SUGCT: variants seen among roughly 807,000 people sequenced by gnomAD.
SUGCT encodes the protein succinyl-CoA:glutarate-CoA transferase.
A neutral mutation model predicts 55.0 loss-of-function variants in SUGCT; 41 were observed. The ratio of observed to expected loss-of-function variants is 0.74; its 90% CI spans 0.58 to 0.97. The LOEUF is 0.97. Among genes scored for constraint, SUGCT ranks in the 50% least tolerant of loss-of-function variants. The pLI, the probability that SUGCT is intolerant of heterozygous loss-of-function variation, is 0.00. For synonymous variants in SUGCT, 187 were observed against 200.4 expected, an observed-to-expected ratio of 0.93 and a Z score of 0.56; for missense variants, 568 against 547.8, an observed-to-expected ratio of 1.04 and a Z score of -0.37.
At chr7:40,162,350 CT>C (rs1784215328) in intron 1 of SUGCT, among the ~76,000 whole-genome samples, 1 of 152,112 alleles carries the variant, frequency 6.6e-6, no homozygotes, top group Non-Finnish European at 1.5e-5. Context: ...TTTCCTTTGC[CT>C]TGTAGGAGAA....
chr7:40,843,752 AG>A (rs1423940106), intron 13 of SUGCT, among the ~76,000 whole-genome samples: 1 of 152,030 alleles, frequency 6.6e-6, no homozygotes, highest in Non-Finnish European at 1.5e-5. Context: ...TGGGAAGAGG[AG>A]TGGATTATGT....
At chr7:40,187,078 A>G (rs1351892813) in intron 3 of SUGCT, among the ~76,000 whole-genome samples, 2 of 152,210 alleles carry the variant, frequency 1.3e-5, no homozygotes, top group Admixed American at 6.5e-5. Context: ...AATGTGGCAC[A>G]TATACACCAT....
intron 13 of SUGCT, among the ~76,000 whole-genome samples, chr7:40,838,855 T>G (rs1360504874): frequency 6.6e-6 from 1 of 152,136 alleles, no homozygotes; most frequent in Non-Finnish European, 1.5e-5. Flanking sequence ...CTTTTATCAT[T>G]AAGTATGAAG....
intron 1 of SUGCT, among the ~76,000 whole-genome samples, chr7:40,147,316 A>G (rs984555260): frequency 6.6e-6 from 1 of 151,716 alleles, no homozygotes; most frequent in African/African-American, 2.4e-5. Context: ...TTGAGGTTCA[A>G]CCCCCCCATC....
the SUGCT span, among the ~76,000 whole-genome samples, chr7:40,955,223 T>G: frequency 1.3e-5 from 2 of 152,316 alleles, no homozygotes; most frequent in Admixed American, 1.3e-4. Context: ...ATAAATTACT[T>G]TAAGCAGTAT....
At chr7:40,806,239 G>A (rs1791084071) in intron 13 of SUGCT, among the ~76,000 whole-genome samples, 1 of 152,078 alleles carries the variant, frequency 6.6e-6, no homozygotes, top group Non-Finnish European at 1.5e-5. Flanking sequence ...TTCCCAGGTG[G>A]TCCTGAGTAG....
intron 12 of SUGCT, among the ~76,000 whole-genome samples, chr7:40,660,255 A>T (rs1801236772): frequency 6.6e-6 from 1 of 151,812 alleles, no homozygotes; most frequent in African/African-American, 2.4e-5. Flanking sequence ...AGAGTATGGG[A>T]AGTTTGTTAT....
At chr7:41,023,392 A>G in the SUGCT span, among the ~76,000 whole-genome samples, 667 of 152,326 alleles carry the variant, frequency 4.4e-3, 5 homozygotes, top group African/African-American at 0.015. Flanking sequence ...AGCATTCATC[A>G]AAAGAAAAAA....
chr7:40,953,795 C>T, the SUGCT span, among the ~76,000 whole-genome samples: 1 of 152,216 alleles, frequency 6.6e-6, no homozygotes, highest in Non-Finnish European at 1.5e-5. Flanking sequence ...ATGTTGCTGC[C>T]TGATCATTCC....
intron 1 of SUGCT, among the ~76,000 whole-genome samples, chr7:40,137,847 A>G (rs1440957450): frequency 6.6e-6 from 1 of 151,960 alleles, no homozygotes; most frequent in Admixed American, 6.6e-5. Flanking sequence ...ATGCCTGGCT[A>G]ATTTTTGTAT....
At chr7:40,491,905 G>A (rs1301542628) in intron 11 of SUGCT, among the ~76,000 whole-genome samples, 3 of 152,136 alleles carry the variant, frequency 2.0e-5, no homozygotes, top group East Asian at 3.9e-4. Flanking sequence ...CTGGAGAATC[G>A]CTTGAACCTG....
At chr7:40,930,859 A>T in the SUGCT span, among the ~76,000 whole-genome samples, 1 of 152,188 alleles carries the variant, frequency 6.6e-6, no homozygotes, top group Non-Finnish European at 1.5e-5. Flanking sequence ...CAATCATGTC[A>T]CTTGCAAACA....
intron 12 of SUGCT, among the ~76,000 whole-genome samples, chr7:40,498,645 C>G (rs1484808536): frequency 6.6e-6 from 1 of 152,164 alleles, no homozygotes; most frequent in Non-Finnish European, 1.5e-5. Context: ...AACTTCTAGA[C>G]TTTAGTTTCC....
intron 9 of SUGCT, among the ~76,000 whole-genome samples, chr7:40,346,683 A>G (rs1797331529): frequency 6.6e-6 from 1 of 152,216 alleles, no homozygotes; most frequent in South Asian, 2.1e-4. Flanking sequence ...CAAAATTCAC[A>G]TACTGTAGCC....
At chr7:41,022,219 G>C in the SUGCT span, among the ~76,000 whole-genome samples, 1 of 152,008 alleles carries the variant, frequency 6.6e-6, no homozygotes, top group African/African-American at 2.4e-5. Context: ...ACAAAAAGGG[G>C]TATTCTAAAT....
At chr7:40,918,294 C>G in the SUGCT span, among the ~76,000 whole-genome samples, 1 of 152,070 alleles carries the variant, frequency 6.6e-6, no homozygotes, top group Admixed American at 6.5e-5. Flanking sequence ...AACCCTGTCT[C>G]TACTAAAAAT....
intron 11 of SUGCT, among the ~76,000 whole-genome samples, chr7:40,462,449 A>ATT (rs34871985): frequency 1.6e-4 from 24 of 151,424 alleles, no homozygotes; most frequent in African/African-American, 3.9e-4. Flanking sequence ...GAAATAAAGG[A>ATT]TTTTTTTTTC....
intron 13 of SUGCT, among the ~76,000 whole-genome samples, chr7:40,825,000 C>A (rs1157892603): frequency 3.3e-5 from 5 of 152,184 alleles, no homozygotes; most frequent in Admixed American, 1.3e-4. Flanking sequence ...CTGCTTCATG[C>A]AGTCTTTCAG....
chr7:40,196,479 C>T (rs1353823772), intron 6 of SUGCT, among the ~76,000 whole-genome samples: 3 of 152,048 alleles, frequency 2.0e-5, no homozygotes, highest in African/African-American at 4.8e-5. Context: ...AATAAATAAG[C>T]ACTTTTGTTT....
Sources: gnomAD v4.1 joint callset for allele counts (sites outside exome capture counted in the v4.1 genomes callset) on GRCh38, gnomAD v4.1.1 for gene constraint, MANE v1.5 for transcripts, NCBI Gene and HGNC (gene_info 2026-07-23, HGNC 2026-07-21) for gene names.